RSBN1L: variants seen among roughly 807,000 people sequenced by gnomAD.
RSBN1L encodes round spermatid basic protein 1 like.
RSBN1L carries 30 observed loss-of-function variants against 67.7 expected under a neutral mutation model. That is an observed-to-expected ratio of 0.44 (90% confidence interval 0.33 to 0.60). RSBN1L has a LOEUF of 0.60. Among genes scored for constraint, RSBN1L ranks in the 20% least tolerant of loss-of-function variants. RSBN1L has a pLI of 0.02. For synonymous variants in RSBN1L, 433 were observed against 387.0 expected (o/e 1.12, Z -1.39); for missense variants, 992 against 1,031.7 (o/e 0.96, Z 0.53).
intron 2 of RSBN1L, among the ~76,000 whole-genome samples, 178 bp downstream of exon 2, chr7:77,736,704 TTATAG>T (rs1791341727): frequency 2.0e-5 from 3 of 152,188 alleles, no homozygotes. Flanking sequence ...GTAACATGTC[TTATAG>T]TATATTTAGT....
chr7:77,713,482 G>A (rs572945373), intron 1 of RSBN1L, among the ~76,000 whole-genome samples: 13 of 151,400 alleles, frequency 8.6e-5, no homozygotes, highest in Admixed American at 2.0e-4. Context: ...TCAGCCTCCC[G>A]AGTAGCTGGG....
At position 77,739,739 on chromosome 7, in the gene RSBN1L, C is replaced by CTTTTTTTTTTT. The variant is rs1173154183; in HGVS notation, c.703+3232_703+3242dup. ...AAAAAAAAAAAAAAAAAAAATGTGT[C>CTTTTTTTTTTT]TTTTTTTTTTTTTTTTTTTTTTTTT... is the stretch of plus-strand genomic sequence containing the variant. On this transcript the variant is annotated intron_variant, in intron 2 of 7. Transcript: ENST00000334955. 1.8e-3 allele frequency among the ~76,000 whole-genome samples: 76 copies of CTTTTTTTTTTT among 42,692 alleles called. 10 individuals carry two copies. The highest frequency in any genetic ancestry group is 2.1e-3 in the Non-Finnish European group (54 of 25,264). The allele number at this position is 42,692 out of a possible 152,430, so 28.0% of individuals were successfully genotyped here.
chr7:77,709,975 A>G (rs538998637), intron 1 of RSBN1L, among the ~76,000 whole-genome samples: 1 of 152,304 alleles, frequency 6.6e-6, no homozygotes, highest in East Asian at 1.9e-4. Flanking sequence ...TCAGTACCAT[A>G]TACCTAGTGG....
At chr7:77,764,458 A>G (rs1199536071) in intron 3 of RSBN1L, among the ~76,000 whole-genome samples, 6 of 152,168 alleles carry the variant, frequency 3.9e-5, no homozygotes, top group Admixed American at 3.3e-4. Flanking sequence ...TGCTAGCATT[A>G]TGGCAGGTGA....
intron 1 of RSBN1L, among the ~76,000 whole-genome samples, chr7:77,717,101 C>G (rs980488049): frequency 6.6e-6 from 1 of 152,048 alleles, no homozygotes; most frequent in Non-Finnish European, 1.5e-5. Flanking sequence ...GCTAGGACTA[C>G]AGGTGAGCGA....
At chr7:77,737,573 GA>G (rs139474842) in intron 2 of RSBN1L, among the ~76,000 whole-genome samples, 2,069 of 152,224 alleles carry the variant, frequency 0.014, 49 homozygotes, top group African/African-American at 0.047. Flanking sequence ...AGCTTAAGTT[GA>G]TGGCTGCTTA....
In RSBN1L at chr7:77,710,528, A is replaced by G. The variant is rs138007450; in HGVS notation, c.586+13473A>G. The stretch of plus-strand genomic sequence containing the variant: ...TTGAGAGGGAGGCCTGTGCTCCTCT[A>G]TGACTAGGTTAGGTTCCCTTCACTT... On this transcript the variant is annotated intron_variant, in intron 1 of 7. Coordinates refer to ENST00000334955, the MANE Select transcript of RSBN1L (RefSeq NM_198467.3). Among the ~76,000 whole-genome samples, 29 of 152,162 alleles carry G rather than the reference A, an allele frequency of 1.9e-4. 1 individual carries two copies. The East Asian group carries it at 2.9e-3, about 15-fold the overall frequency.
intron 3 of RSBN1L, among the ~76,000 whole-genome samples, chr7:77,750,946 G>T (rs1233648333): frequency 6.6e-6 from 1 of 152,164 alleles, no homozygotes; most frequent in African/African-American, 2.4e-5. Flanking sequence ...GCAGTGTCAG[G>T]ATTAGAACAA....
Position 77,719,452 on chromosome 7 carries a change from T to C in RSBN1L, c.587-16958T>C, listed in dbSNP as rs1791088214. Among the ~76,000 whole-genome samples, 2 of 152,178 alleles carry C rather than the reference T, an allele frequency of 1.3e-5. 1 individual carries two copies. Among genetic ancestry groups the C allele is most frequent in the South Asian group, 4.1e-4 (2 of 4,830 alleles). ...ATTTAAATTGTAATAAATAATGTAA[T>C]TGTATAATGTGGACTTAGAGGTCTA... On this transcript the variant is annotated intron_variant, in intron 1 of 7. Coordinates refer to ENST00000334955, the MANE Select transcript of RSBN1L (RefSeq NM_198467.3).
At chr7:77,717,263 C>T (rs1474083913) in intron 1 of RSBN1L, among the ~76,000 whole-genome samples, 3 of 152,008 alleles carry the variant, frequency 2.0e-5, no homozygotes, top group Non-Finnish European at 4.4e-5. Flanking sequence ...TATTTTATAT[C>T]GTCTTAGAGA....
chr7:77,699,943 C>G (rs1790792784), intron 1 of RSBN1L, among the ~76,000 whole-genome samples: 3 of 152,046 alleles, frequency 2.0e-5, no homozygotes, highest in Non-Finnish European at 4.4e-5. Context: ...ATTATAGGCA[C>G]TCGCCAACAC....
intron 3 of RSBN1L, among the ~76,000 whole-genome samples, chr7:77,762,105 TATA>T (rs1383739606): frequency 6.6e-6 from 1 of 152,232 alleles, no homozygotes; most frequent in Non-Finnish European, 1.5e-5. Flanking sequence ...ATACTTTTGT[TATA>T]ATAAGTTATG....
rs534109791 is a variant in RSBN1L at position 77,742,106 on chromosome 7, G to A, written c.703+5580G>A. Among the ~76,000 whole-genome samples the A allele has an allele frequency of 1.5e-4, 23 of 150,510 alleles. No homozygotes were observed. In the South Asian group the frequency reaches 4.8e-3, roughly 32 times the overall value. ...GCATTTTGGGGAGCTGGGGCCGGAG[G>A]ATTGCTTGAGCCTGGGAGTACGAGA... On this transcript the variant is annotated intron_variant, in intron 2 of 7. Transcript: ENST00000334955.
At chr7:77,707,549 C>CT (rs1177113067) in intron 1 of RSBN1L, among the ~76,000 whole-genome samples, 2 of 152,104 alleles carry the variant, frequency 1.3e-5, no homozygotes, top group Non-Finnish European at 2.9e-5. Context: ...CTCAGAGCCA[C>CT]TTTCACTGGT....
intron 1 of RSBN1L, among the ~76,000 whole-genome samples, chr7:77,733,948 G>A (rs750929776): frequency 6.6e-6 from 1 of 152,120 alleles, no homozygotes; most frequent in African/African-American, 2.4e-5. Flanking sequence ...CCAACATGGC[G>A]AAACCCCATC....
intron 1 of RSBN1L, among the ~76,000 whole-genome samples, chr7:77,698,127 G>T (rs951341692): frequency 6.6e-6 from 1 of 152,202 alleles, no homozygotes; most frequent in Admixed American, 6.5e-5. Flanking sequence ...GATTATAATG[G>T]TTTGTTTTCA....
chr7:77,745,129 C>T (rs914279403), intron 2 of RSBN1L, among the ~76,000 whole-genome samples: 1 of 152,028 alleles, frequency 6.6e-6, no homozygotes, highest in African/African-American at 2.4e-5. Flanking sequence ...GTCATGTTGG[C>T]GCATGCCTGT....
At chr7:77,719,540 G>C (rs776952705) in intron 1 of RSBN1L, among the ~76,000 whole-genome samples, 2 of 152,156 alleles carry the variant, frequency 1.3e-5, no homozygotes, top group Admixed American at 6.6e-5. Context: ...ATAGACACAC[G>C]ATTCAGTGAT....
intron 1 of RSBN1L, among the ~76,000 whole-genome samples, chr7:77,729,398 T>C (rs1436983776): frequency 6.6e-6 from 1 of 152,192 alleles, no homozygotes; most frequent in Non-Finnish European, 1.5e-5. Flanking sequence ...TAGTGGAGAC[T>C]AGTGAATTTT....
Sources: gnomAD v4.1 joint callset for allele counts (sites outside exome capture counted in the v4.1 genomes callset) on GRCh38, gnomAD v4.1.1 for gene constraint, MANE v1.5 for transcripts, NCBI Gene and HGNC (gene_info 2026-07-23, HGNC 2026-07-21) for gene names.